ADAMTS18: variants seen among roughly 807,000 people sequenced by gnomAD.
The protein encoded by ADAMTS18 is A disintegrin and metalloproteinase with thrombospondin motifs 18.
Under a neutral mutation model 165.9 loss-of-function variants are expected in ADAMTS18, and 157 were observed. The ratio of observed to expected loss-of-function variants is 0.95; its 90% CI spans 0.83 to 1.08. The LOEUF (loss-of-function observed/expected upper bound fraction) is 1.08, where lower values mean the gene tolerates loss of function less well. Ranked by LOEUF, ADAMTS18 falls within the 50% of genes least tolerant of loss-of-function variation. The pLI, the probability that ADAMTS18 is intolerant of heterozygous loss-of-function variation, is 0.00. For synonymous variants in ADAMTS18, 782 were observed against 578.2 expected (o/e 1.35, Z -5.06); for missense variants, 2,040 against 1,534.0 (o/e 1.33, Z -5.51).
At chr16:77,388,077 G>C (rs934878317) in intron 3 of ADAMTS18, among the ~76,000 whole-genome samples, 2 of 152,168 alleles carry the variant, frequency 1.3e-5, no homozygotes, top group African/African-American at 4.8e-5. Flanking sequence ...TACGCACTCT[G>C]CAAGGCTAGA....
At chr16:77,404,282 G>A (rs1472968090) in intron 3 of ADAMTS18, among the ~76,000 whole-genome samples, 1 of 152,136 alleles carries the variant, frequency 6.6e-6, no homozygotes, top group African/African-American at 2.4e-5. Context: ...TATGACCAAA[G>A]GGAAGGTGGA....
chr16:77,348,390 T>C (rs900510138), intron 10 of ADAMTS18, among the ~76,000 whole-genome samples: 1 of 152,162 alleles, frequency 6.6e-6, no homozygotes, highest in Non-Finnish European at 1.5e-5. Context: ...CACTTGCAGG[T>C]AGAGGAGGCA....
chr16:77,362,092 G>A lies in ADAMTS18; in HGVS notation c.1216+13C>T. 6.2e-7 allele frequency: 1 copy of A among 1,613,868 alleles called. No individual in the cohort carries two copies. The highest frequency in any genetic ancestry group is 1.1e-5 in the South Asian group (1 of 91,056). On this transcript the variant is annotated intron_variant, in intron 7 of 22. Transcript: ENST00000282849. The stretch of plus-strand genomic sequence containing the variant: ...GCTAACAGGTGTGTGTGAAGGATCT[G>A]TTCATACCATACCTAGAGTGTCACA...
At chr16:77,424,717 A>G (rs1053663306) in intron 3 of ADAMTS18, among the ~76,000 whole-genome samples, 2 of 152,244 alleles carry the variant, frequency 1.3e-5, no homozygotes, top group African/African-American at 4.8e-5. Context: ...AAACCTTTTT[A>G]ACCTTTCTTG....
chr16:77,421,761 C>T lies in ADAMTS18; in HGVS notation c.495+9534G>A, dbSNP rs539835718. Among the ~76,000 whole-genome samples the T allele has an allele frequency of 4.7e-4, 71 of 152,188 alleles. 1 individual carries two copies. The highest frequency in any genetic ancestry group is 1.7e-3 in the African/African-American group (69 of 41,520). The stretch of plus-strand genomic sequence containing the variant: ...TTTTCACAAAGTAGGTCTCTCTCTC[C>T]CTACCCTCCTCATAAAATATACAAT... On this transcript the variant is annotated intron_variant, in intron 3 of 22. Coordinates refer to ENST00000282849, the MANE Select transcript of ADAMTS18 (RefSeq NM_199355.4).
At chr16:77,415,429 T>A (rs1417973667) in intron 3 of ADAMTS18, among the ~76,000 whole-genome samples, 1 of 152,190 alleles carries the variant, frequency 6.6e-6, no homozygotes, top group African/African-American at 2.4e-5. Context: ...ATCACCACTA[T>A]GATGACCCTA....
intron 12 of ADAMTS18, among the ~76,000 whole-genome samples, chr16:77,333,104 C>T (rs960331808): frequency 6.6e-6 from 1 of 152,104 alleles, no homozygotes; most frequent in African/African-American, 2.4e-5. Flanking sequence ...TTTAGATGAA[C>T]AGAGTAGCTC....
chr16:77,391,568 T>A (rs2057188074), intron 3 of ADAMTS18, among the ~76,000 whole-genome samples: 1 of 151,598 alleles, frequency 6.6e-6, no homozygotes. Flanking sequence ...ATTGTTTGAG[T>A]ATTCCTAACA....
chr16:77,392,666 C>G (rs35314138), intron 3 of ADAMTS18, among the ~76,000 whole-genome samples: 26,608 of 152,120 alleles, frequency 0.17, 3,021 homozygotes, highest in Non-Finnish European at 0.26. Context: ...CTGCTGTATT[C>G]CCAGTGCCGA....
At chr16:77,323,502 A>C (rs968170860) in intron 13 of ADAMTS18, among the ~76,000 whole-genome samples, 3 of 151,406 alleles carry the variant, frequency 2.0e-5, no homozygotes, top group Non-Finnish European at 2.9e-5. Context: ...TGGATGACAT[A>C]TATGCCCTTT....
In ADAMTS18 at chr16:77,283,865, G is replaced by T; in HGVS notation, c.*91C>A. ...CAGCGGCAGCTCACAGATGGTTCTC[G>T]GTGCTCAGCTCCTGGTCTCAAAGGC... On this transcript the variant is annotated 3_prime_UTR_variant, in exon 23 of 23. Coordinates refer to ENST00000282849, the MANE Select transcript of ADAMTS18 (RefSeq NM_199355.4). The T allele has an allele frequency of 5.0e-6, 5 of 990,816 alleles. No homozygotes were observed. Among genetic ancestry groups the T allele is most frequent in the Non-Finnish European group, 6.4e-6 (4 of 621,336 alleles). 61.4% of individuals were successfully genotyped at this position (990,816 alleles called of 1,614,324 possible).
At chr16:77,411,264 C>T (rs919353187) in intron 3 of ADAMTS18, among the ~76,000 whole-genome samples, 4 of 152,136 alleles carry the variant, frequency 2.6e-5, no homozygotes, top group African/African-American at 9.7e-5. Context: ...ATATATATCT[C>T]CCGGTCTCTG....
At chr16:77,347,934 C>T (rs1282736411) in intron 10 of ADAMTS18, among the ~76,000 whole-genome samples, 2 of 152,066 alleles carry the variant, frequency 1.3e-5, no homozygotes, top group East Asian at 1.9e-4. Context: ...AATAGCACAT[C>T]CCCCAAAGAT....
At position 77,363,899 on chromosome 16, in the gene ADAMTS18, G is replaced by A. The variant is rs2056753174; in HGVS notation, c.973-14C>T. 6.2e-7 allele frequency: 1 copy of A among 1,612,834 alleles called. No individual in the cohort carries two copies. The highest frequency in any genetic ancestry group is 2.2e-5 in the East Asian group (1 of 44,832). On this transcript the variant is annotated splice_polypyrimidine_tract_variant and intron_variant, in intron 5 of 22. Transcript: ENST00000282849. ...TAGGCCAGAAACCTGTTGGAACAAT[G>A]GAAATCAAACAAAATCTCAAAATTT...
At chr16:77,363,755 T>A (rs2056750241) in intron 6 of ADAMTS18, 47 bp downstream of exon 6, 3 of 1,562,908 alleles carry the variant, frequency 1.9e-6, no homozygotes, top group Non-Finnish European at 2.6e-6. Flanking sequence ...AGAAATGTAT[T>A]CTGAACGGCA....
At chr16:77,414,384 G>GTCCAGAT (rs1289833832) in intron 3 of ADAMTS18, among the ~76,000 whole-genome samples, 6 of 152,124 alleles carry the variant, frequency 3.9e-5, no homozygotes, top group African/African-American at 1.2e-4. Context: ...AGTATAAAAT[G>GTCCAGAT]CACACTGGAC....
At chr16:77,413,705 GTATACT>G (rs2057493974) in intron 3 of ADAMTS18, among the ~76,000 whole-genome samples, 1 of 148,926 alleles carries the variant, frequency 6.7e-6, no homozygotes, top group African/African-American at 2.5e-5. Flanking sequence ...ATGTTATTTA[GTATACT>G]TAAATATGTT....
At chr16:77,354,054 C>G (rs981173833) in intron 9 of ADAMTS18, among the ~76,000 whole-genome samples, 168 bp from the exon 10 acceptor site, 1 of 152,092 alleles carries the variant, frequency 6.6e-6, no homozygotes, top group African/African-American at 2.4e-5. Flanking sequence ...TGAGTCCTGT[C>G]TAAGAGGATG....
chr16:77,416,212 G>C (rs1045821356), intron 3 of ADAMTS18, among the ~76,000 whole-genome samples: 1 of 152,168 alleles, frequency 6.6e-6, no homozygotes, highest in East Asian at 1.9e-4. Context: ...AGCATTCCAA[G>C]TGCAGTCACT....
Sources: gnomAD v4.1 joint callset for allele counts (sites outside exome capture counted in the v4.1 genomes callset) on GRCh38, gnomAD v4.1.1 for gene constraint, MANE v1.5 for transcripts, NCBI Gene and HGNC (gene_info 2026-07-23, HGNC 2026-07-21) for gene names.